DNAJA4: variants seen among roughly 807,000 people sequenced by gnomAD.
DNAJA4 encodes the protein dnaJ homolog subfamily A member 4.
A neutral mutation model predicts 39.7 loss-of-function variants in DNAJA4; 32 were observed. The observed-to-expected ratio is 0.81, with a 90% CI of 0.61 to 1.08. The LOEUF is 1.08. Among genes scored for constraint, DNAJA4 ranks in the 50% least tolerant of loss-of-function variants. The pLI, the probability that DNAJA4 is intolerant of heterozygous loss-of-function variation, is 0.00. For synonymous variants in DNAJA4, 184 were observed against 182.4 expected (o/e 1.01, Z -0.07); for missense variants, 439 against 505.1 (o/e 0.87, Z 1.25).
rs1414354702 is a variant in DNAJA4, at chr15:78,274,210, G to A, written c.432G>A (p.Lys144=). The part of the protein sequence containing the change: ...ICEKCEGVGG[K]KGSVEKCPLC... ...CTGACCCTGCAGGTGTTGGTGGGAA[G>A]AAGGGATCGGTGGAGAAGTGCCCGC... The change falls in exon 4 of 7, where the codon AAG becomes AAA. Residue 144 remains lysine (K), a synonymous_variant. Transcript: ENST00000394852. 2 of 1,613,936 alleles carry A rather than the reference G, an allele frequency of 1.2e-6. No homozygotes were observed. Among genetic ancestry groups the A allele is most frequent in the South Asian group, 2.2e-5 (2 of 91,062 alleles).
At chr15:78,276,606 AG>A (rs2049466362) in intron 5 of DNAJA4, among the ~76,000 whole-genome samples, 1 of 152,264 alleles carries the variant, frequency 6.6e-6, no homozygotes, top group African/African-American at 2.4e-5. Flanking sequence ...TGCATAGCAA[AG>A]AATGTCTGGA....
intron 1 of DNAJA4, among the ~76,000 whole-genome samples, chr15:78,269,433 A>T (rs1287598309): frequency 6.6e-6 from 1 of 152,266 alleles, no homozygotes; most frequent in Non-Finnish European, 1.5e-5. Context: ...CATGAGTGAT[A>T]CAATGAACAC....
chr15:78,268,018 A>T (rs1452516130), intron 1 of DNAJA4, among the ~76,000 whole-genome samples: 1 of 152,136 alleles, frequency 6.6e-6, no homozygotes, highest in Non-Finnish European at 1.5e-5. Context: ...ACCCTAGAGG[A>T]TGGACTCCCT....
chr15:78,278,508 G>A (rs990379947), intron 5 of DNAJA4, among the ~76,000 whole-genome samples: 2 of 152,222 alleles, frequency 1.3e-5, no homozygotes, highest in Non-Finnish European at 2.9e-5. Flanking sequence ...GCAGGTTGCT[G>A]TACTGAATAC....
chr15:78,269,281 A>G (rs2049228827), intron 1 of DNAJA4, among the ~76,000 whole-genome samples: 1 of 152,126 alleles, frequency 6.6e-6, no homozygotes, highest in Non-Finnish European at 1.5e-5. Context: ...CACATGGAAG[A>G]CCACGGAGGA....
intron 1 of DNAJA4, among the ~76,000 whole-genome samples, chr15:78,266,584 C>G (rs1413767741): frequency 6.6e-6 from 1 of 152,210 alleles, no homozygotes; most frequent in Non-Finnish European, 1.5e-5. Flanking sequence ...CTTCCTCTAC[C>G]TTCATGGAAG....
chr15:78,264,614 C>T lies in DNAJA4; in HGVS notation c.-150C>T. ...GGTCCGGCGCGGGGCGGGGGGCGGGCGGGAGCTACAAGCGGCGGCGGCGGC... is the reference window on the plus strand; with the variant it reads ...GGTCCGGCGCGGGGCGGGGGGCGGGTGGGAGCTACAAGCGGCGGCGGCGGC... On this transcript the variant is annotated 5_prime_UTR_variant, in exon 1 of 7. Coordinates refer to ENST00000394852, the MANE Select transcript of DNAJA4 (RefSeq NM_001130182.2). 9.3e-7 allele frequency: 1 copy of T among 1,081,066 alleles called. No individual in the cohort carries two copies. Among genetic ancestry groups the T allele is most frequent in the Non-Finnish European group, 1.1e-6 (1 of 891,968 alleles). 67.0% of individuals were successfully genotyped at this position (1,081,066 alleles called of 1,614,324 possible).
In DNAJA4 at chr15:78,264,642, C is replaced by CGGT. The variant is rs1428273150; in HGVS notation, c.-121_-120insGTG. On this transcript the variant is annotated 5_prime_UTR_variant, in exon 1 of 7. Coordinates refer to ENST00000394852, the MANE Select transcript of DNAJA4 (RefSeq NM_001130182.2). ...GAGCTACAAGCGGCGGCGGCGGCGG[C>CGGT]GACCGTGACCGTGACGCGCGAGCGG... 3.9e-6 allele frequency: 4 copies of CGGT among 1,016,212 alleles called. No homozygotes were observed. Among genetic ancestry groups the CGGT allele is most frequent in the African/African-American group, 3.5e-5 (2 of 56,996 alleles). The allele number at this position is 1,016,212 out of a possible 1,614,324, so 62.9% of individuals were successfully genotyped here.
At chr15:78,265,428 C>G in intron 1 of DNAJA4, 1 of 700,350 alleles carries the variant, frequency 1.4e-6, no homozygotes, top group Non-Finnish European at 2.6e-6. Context: ...CACCTACTGC[C>G]TACCTGATAA....
intron 1 of DNAJA4, chr15:78,265,855 C>T: frequency 1.6e-6 from 1 of 607,050 alleles, no homozygotes; most frequent in South Asian, 2.0e-5. Context: ...CCACACCAAT[C>T]ACCCATGTAG....
intron 1 of DNAJA4, chr15:78,266,294 G>T (rs2049121382): frequency 1.2e-5 from 19 of 1,613,472 alleles, no homozygotes; most frequent in Non-Finnish European, 1.6e-5. Flanking sequence ...ACTCACAAGA[G>T]TAAGTTCATG....
At chr15:78,272,697 C>T (rs1312982140) in intron 2 of DNAJA4, among the ~76,000 whole-genome samples, 4 of 152,224 alleles carry the variant, frequency 2.6e-5, no homozygotes, top group African/African-American at 9.7e-5. Context: ...GATCCAGAGA[C>T]TTTGGCTGCC....
rs1189044348 is a variant in DNAJA4 at position 78,264,598 on chromosome 15, C to T, written c.-166C>T. Reference sequence around the variant, plus strand: ...GCCAGGCGTGGAAGTCGGTCCGGCGCGGGGCGGGGGGCGGGCGGGAGCTAC... The same window carrying T: ...GCCAGGCGTGGAAGTCGGTCCGGCGTGGGGCGGGGGGCGGGCGGGAGCTAC... On this transcript the variant is annotated 5_prime_UTR_variant, in exon 1 of 7. Transcript: ENST00000394852. 4.5e-5 allele frequency: 51 copies of T among 1,134,902 alleles called. No individual in the cohort carries two copies. The highest frequency in any genetic ancestry group is 5.3e-5 in the Non-Finnish European group (49 of 927,380). The allele number at this position is 1,134,902 out of a possible 1,614,324, so 70.3% of individuals were successfully genotyped here.
chr15:78,281,606 G>A lies in DNAJA4; in HGVS notation c.*1146G>A, dbSNP rs914120585. 3 of 152,204 alleles carry A rather than the reference G, an allele frequency of 2.0e-5. No individual in the cohort carries two copies. Among genetic ancestry groups the A allele is most frequent in the African/African-American group, 7.2e-5 (3 of 41,438 alleles). 9.4% of individuals were successfully genotyped at this position (152,204 alleles called of 1,614,324 possible). A position where few individuals can be genotyped will look rare whatever the true frequency, so the allele number is the denominator to read the frequency against. The stretch of plus-strand genomic sequence containing the variant: ...GGATATTAGTCATTATTTTATTCAT[G>A]ACAGGTAGACTACAATTCGAACTTA... On this transcript the variant is annotated 3_prime_UTR_variant, in exon 7 of 7. Transcript: ENST00000394852.
rs1321178453 is a variant in DNAJA4 at position 78,274,315 on chromosome 15, C to T, written c.537C>T (p.Ile179=). ...GMVQQIQTVC[I]ECKGQGERIN... Reference sequence around the variant, plus strand: ...TACAGCAGATCCAGACCGTGTGCATCGAGTGCAAGGGCCAGGGTGAGCGCA... The same window carrying T: ...TACAGCAGATCCAGACCGTGTGCATTGAGTGCAAGGGCCAGGGTGAGCGCA... The change falls in exon 4 of 7, where the codon ATC becomes ATT. Residue 179 remains isoleucine, a synonymous_variant. Transcript: ENST00000394852. 2.0e-5 allele frequency: 32 copies of T among 1,614,142 alleles called. No homozygotes were observed. Among genetic ancestry groups the T allele is most frequent in the Admixed American group, 5.0e-5 (3 of 60,020 alleles).
intron 4 of DNAJA4, 160 bp downstream of exon 4, chr15:78,274,584 C>A: frequency 1.5e-6 from 1 of 678,578 alleles, no homozygotes; most frequent in Non-Finnish European, 2.5e-6. Flanking sequence ...CTTCACCCTT[C>A]CTGGCCTTAT....
At chr15:78,280,179 T>C (rs757636547) in intron 6 of DNAJA4, 34 bp downstream of exon 6, 28 of 1,610,844 alleles carry the variant, frequency 1.7e-5, no homozygotes, top group Non-Finnish European at 2.1e-5. Flanking sequence ...CATGGACATA[T>C]TATTAAATGC....
intron 1 of DNAJA4, among the ~76,000 whole-genome samples, chr15:78,267,168 G>GTGTGTGTGTA (rs1555438043): frequency 0.01 from 1,036 of 102,408 alleles, 22 homozygotes; most frequent in African/African-American, 0.031. Context: ...GTATGTGAGT[G>GTGTGTGTGTA]TGTGAGTGTG....
chr15:78,264,984 C>G lies in DNAJA4; in HGVS notation c.132+89C>G, dbSNP rs957917389. 10 of 1,387,006 alleles carry G rather than the reference C, an allele frequency of 7.2e-6. No homozygotes were observed. The African/African-American group carries it at 1.5e-4, about 21-fold the overall frequency. 85.9% of individuals were successfully genotyped at this position (1,387,006 alleles called of 1,614,324 possible). A position where few individuals can be genotyped will look rare whatever the true frequency, so the allele number is the denominator to read the frequency against. Reference sequence around the variant, plus strand: ...ATTGAAGGCGACGGGAAACCTGAGCCGCGTTTGTTGGGGAGGCTGTCGCCA... The same window carrying G: ...ATTGAAGGCGACGGGAAACCTGAGCGGCGTTTGTTGGGGAGGCTGTCGCCA... On this transcript the variant is annotated intron_variant, in intron 1 of 6. Coordinates refer to ENST00000394852, the MANE Select transcript of DNAJA4 (RefSeq NM_001130182.2).
Sources: gnomAD v4.1 joint callset for allele counts (sites outside exome capture counted in the v4.1 genomes callset) on GRCh38, gnomAD v4.1.1 for gene constraint, MANE v1.5 for transcripts, NCBI Gene and HGNC (gene_info 2026-07-23, HGNC 2026-07-21) for gene names.